Variants in UNC13C observed in about 807,000 individuals in gnomAD.
UNC13C encodes unc-13 homolog C.
Under a neutral mutation model 245.4 loss-of-function variants are expected in UNC13C, and 174 were observed. That is an observed-to-expected ratio of 0.71 (90% CI 0.63 to 0.80). The LOEUF is 0.80. Among genes scored for constraint, UNC13C ranks in the 30% least tolerant of loss-of-function variants. The pLI is 0.00. For synonymous variants in UNC13C, 992 were observed against 895.1 expected (o/e 1.11, Z -1.93); for missense variants, 2,829 against 2,602.9 (o/e 1.09, Z -1.89).
intron 10 of UNC13C, among the ~76,000 whole-genome samples, chr15:54,275,911 G>A (rs1261652767): frequency 6.6e-6 from 1 of 152,044 alleles, no homozygotes; most frequent in African/African-American, 2.4e-5. Flanking sequence ...ATAAGTCGTG[G>A]TAAATCCAGA....
At chr15:53,992,879 A>G (rs1006950436) in intron 1 of UNC13C, among the ~76,000 whole-genome samples, 2 of 152,088 alleles carry the variant, frequency 1.3e-5, no homozygotes, top group African/African-American at 4.8e-5. Context: ...ATTCCAGAGT[A>G]TGAATCACTT....
the UNC13C span, among the ~76,000 whole-genome samples, chr15:53,946,458 T>TG: frequency 6.6e-6 from 1 of 151,186 alleles, no homozygotes; most frequent in African/African-American, 2.4e-5. Context: ...TTTGTTTTTT[T>TG]TTTTTTTTAA....
intron 4 of UNC13C, among the ~76,000 whole-genome samples, chr15:54,157,575 C>G (rs2032803151): frequency 6.6e-6 from 1 of 152,116 alleles, no homozygotes; most frequent in African/African-American, 2.4e-5. Flanking sequence ...AAGCCTTGAG[C>G]AAACCAAGAT....
intron 1 of UNC13C, among the ~76,000 whole-genome samples, chr15:54,006,446 A>T (rs1442045685): frequency 6.6e-6 from 1 of 152,162 alleles, no homozygotes; most frequent in Non-Finnish European, 1.5e-5. Context: ...ATTTTTGTTG[A>T]AATATTTTAA....
chr15:54,355,733 A>AT (rs761589987), intron 17 of UNC13C, among the ~76,000 whole-genome samples: 6 of 151,564 alleles, frequency 4.0e-5, no homozygotes, highest in Admixed American at 6.6e-5. Context: ...AATTTAAAAG[A>AT]TTTTTTTTTA....
At chr15:54,533,206 AAT>A (rs751305043) in intron 26 of UNC13C, 140 bp downstream of exon 26, 3 of 623,468 alleles carry the variant, frequency 4.8e-6, no homozygotes, top group Non-Finnish European at 7.9e-6. Flanking sequence ...AAGATAAATA[AAT>A]AAATTCATTA....
At chr15:54,038,140 T>TTTTTTTTTTTTC (rs1555406257) in intron 2 of UNC13C, among the ~76,000 whole-genome samples, 1 of 127,584 alleles carries the variant, frequency 7.8e-6, no homozygotes, top group Non-Finnish European at 1.6e-5. Context: ...TTTTTTTTTT[T>TTTTTTTTTTTTC]CCTGAGACAG....
intron 4 of UNC13C, among the ~76,000 whole-genome samples, chr15:54,145,295 CAT>C (rs1203337801): frequency 6.6e-5 from 10 of 152,070 alleles, no homozygotes; most frequent in African/African-American, 2.2e-4. Context: ...AATACATCCA[CAT>C]GTTACTTATT....
At chr15:54,256,727 C>T (rs375430587) in intron 8 of UNC13C, among the ~76,000 whole-genome samples, 198 of 152,210 alleles carry the variant, frequency 1.3e-3, no homozygotes, top group African/African-American at 4.6e-3. Flanking sequence ...GTACTATCTG[C>T]GGTTTCAGGT....
chr15:54,497,924 C>G (rs779690861), intron 20 of UNC13C, among the ~76,000 whole-genome samples: 10 of 152,118 alleles, frequency 6.6e-5, no homozygotes, highest in Admixed American at 1.3e-4. Flanking sequence ...CTGTCTAGAT[C>G]AAAGGTCCAC....
chr15:53,946,634 T>G, the UNC13C span, among the ~76,000 whole-genome samples: 1 of 148,492 alleles, frequency 6.7e-6, no homozygotes, highest in South Asian at 2.2e-4. Flanking sequence ...GGCTGAAGAA[T>G]CACTTGAACC....
the UNC13C span, chr15:53,912,357 G>A: frequency 6.6e-6 from 1 of 152,378 alleles, no homozygotes. Context: ...ACAACTGGAG[G>A]CTATATGAGG....
At position 54,568,529 on chromosome 15, in the gene UNC13C, T is replaced by C. The variant is rs1024668302; in HGVS notation, c.6106+582T>C. Among the ~76,000 whole-genome samples the C allele has an allele frequency of 2.6e-5, 4 of 152,164 alleles. No individual in the cohort carries two copies. The East Asian group carries it at 7.7e-4, about 29-fold the overall frequency. On this transcript the variant is annotated intron_variant, in intron 30 of 32. Coordinates refer to ENST00000260323, the MANE Select transcript of UNC13C (RefSeq NM_001080534.3). ...TCAAAGTTTCCACCTCATAAGCTTC[T>C]AGGATATTACTGTTCAAAAATTTTT... is the stretch of plus-strand genomic sequence containing the variant.
chr15:54,375,110 A>G (rs779983286), intron 17 of UNC13C, among the ~76,000 whole-genome samples: 3 of 152,208 alleles, frequency 2.0e-5, no homozygotes, highest in Non-Finnish European at 4.4e-5. Context: ...TCTGTAAGAT[A>G]TATACCTGTA....
At chr15:54,559,851 CTGAG>C (rs1227689592) in intron 29 of UNC13C, among the ~76,000 whole-genome samples, 1 of 151,882 alleles carries the variant, frequency 6.6e-6, no homozygotes, top group African/African-American at 2.4e-5. Flanking sequence ...TCATGACTGG[CTGAG>C]TATCACAGGG....
chr15:54,386,573 C>T (rs2039841862), intron 17 of UNC13C, among the ~76,000 whole-genome samples: 1 of 152,130 alleles, frequency 6.6e-6, no homozygotes, highest in African/African-American at 2.4e-5. Flanking sequence ...TATAAGGAAG[C>T]TGGCAGCCAT....
chr15:54,273,467 G>A (rs1445160360), intron 10 of UNC13C, among the ~76,000 whole-genome samples: 1 of 152,048 alleles, frequency 6.6e-6, no homozygotes, highest in African/African-American at 2.4e-5. Flanking sequence ...CATAGCCTTG[G>A]CCATGTGTTT....
the UNC13C span, among the ~76,000 whole-genome samples, chr15:53,838,147 C>G: frequency 1.0e-3 from 158 of 152,158 alleles, no homozygotes; most frequent in Admixed American, 3.6e-3. Context: ...ATTGGAATTA[C>G]ATAAATTTAT....
At chr15:54,626,712 T>G in intron 32 of UNC13C, 116 bp from the exon 33 acceptor site, 1 of 940,148 alleles carries the variant, frequency 1.1e-6, no homozygotes, top group Non-Finnish European at 1.6e-6. Flanking sequence ...GATATCCTAT[T>G]TGCCAACATA....
Sources: allele counts gnomAD v4.1 joint callset (sites outside exome capture counted in the v4.1 genomes callset), GRCh38; gene constraint gnomAD v4.1.1; transcripts MANE v1.5; gene names NCBI Gene and HGNC (gene_info 2026-07-23, HGNC 2026-07-21).